The following G2E3 variants were observed in gnomAD, a reference collection of about 807,000 sequenced individuals.
G2E3 encodes G2/M-phase specific E3 ubiquitin protein ligase.
A neutral mutation model predicts 92.8 loss-of-function variants in G2E3; 35 were observed. That is an observed-to-expected ratio of 0.38 (90% confidence interval 0.29 to 0.50). The LOEUF (loss-of-function observed/expected upper bound fraction) is 0.50, where lower values mean the gene tolerates loss of function less well. Ranked by LOEUF, G2E3 falls within the 20% of genes least tolerant of loss-of-function variation. The pLI is 0.94. For synonymous variants in G2E3, 242 were observed against 272.4 expected (o/e 0.89, Z 1.10); for missense variants, 554 against 823.8 (o/e 0.67, Z 4.01).
intron 1 of G2E3, chr14:30,560,669 A>T (rs778848080): frequency 3.9e-5 from 24 of 620,538 alleles, no homozygotes; most frequent in Non-Finnish European, 6.3e-5. Context: ...TTCTACCTGA[A>T]TTATTTTCAT....
chr14:30,611,072 T>C (rs1882067049), intron 12 of G2E3, among the ~76,000 whole-genome samples: 1 of 152,246 alleles, frequency 6.6e-6, no homozygotes, highest in African/African-American at 2.4e-5. Context: ...GTGTAACACT[T>C]AGCATTATTG....
chr14:30,569,674 G>T (rs1441209384), intron 1 of G2E3, among the ~76,000 whole-genome samples: 1 of 152,140 alleles, frequency 6.6e-6, no homozygotes, highest in African/African-American at 2.4e-5. Context: ...GCCTGACTTG[G>T]TCAGTGGAAG....
intron 10 of G2E3, among the ~76,000 whole-genome samples, chr14:30,604,681 ATAT>A (rs1403240413): frequency 2.0e-5 from 3 of 152,198 alleles, no homozygotes; most frequent in East Asian, 1.9e-4. Context: ...TCTGTTTATA[ATAT>A]TAGCTCTACT....
At chr14:30,562,360 A>C (rs1012772147) in intron 1 of G2E3, among the ~76,000 whole-genome samples, 1 of 152,158 alleles carries the variant, frequency 6.6e-6, no homozygotes, top group East Asian at 1.9e-4. Flanking sequence ...CTCGCTCTAC[A>C]ATCATAACCT....
intron 12 of G2E3, among the ~76,000 whole-genome samples, 186 bp downstream of exon 12, chr14:30,608,255 G>A (rs550422679): frequency 6.6e-6 from 1 of 152,324 alleles, no homozygotes; most frequent in African/African-American, 2.4e-5. Context: ...GATGGCTGGA[G>A]ATTAAAGTGC....
rs1193890498 is a variant in G2E3, at chr14:30,605,659, G to A, written c.1165G>A (p.Ala389Thr). The A allele has an allele frequency of 3.1e-6, 5 of 1,610,238 alleles. No individual in the cohort carries two copies. In the African/African-American group the frequency reaches 4.0e-5, roughly 13 times the overall value. Residue 389 changes from alanine to threonine, a missense_variant, in exon 11 of 15, where the codon GCA becomes ACA. Coordinates refer to ENST00000206595, the MANE Select transcript of G2E3 (RefSeq NM_017769.5). ...AAATCGAAACTTTAATCCTTCATAT[G>A]CAATTGAAGTAGCATATGTTATTGA... is the stretch of plus-strand genomic sequence containing the variant. The part of the protein sequence containing the change: ...FRNRNFNPSY[A>T]IEVAYVIEND...
At chr14:30,612,076 T>G (rs1303258969) in intron 12 of G2E3, 131 bp from the exon 13 acceptor site, 3 of 611,860 alleles carry the variant, frequency 4.9e-6, no homozygotes, top group Non-Finnish European at 8.7e-6. Flanking sequence ...TAGAAGAATA[T>G]TTCTTGGTTT....
intron 10 of G2E3, 99 bp downstream of exon 10, chr14:30,602,230 A>G: frequency 1.1e-6 from 1 of 881,176 alleles, no homozygotes; most frequent in Non-Finnish European, 1.7e-6. Context: ...ATCATACAGT[A>G]GTCTAGAAGA....
chr14:30,603,099 G>T (rs947974715), intron 10 of G2E3, among the ~76,000 whole-genome samples: 2 of 152,122 alleles, frequency 1.3e-5, no homozygotes, highest in Non-Finnish European at 1.5e-5. Context: ...AAACCTAGGC[G>T]GGCGGATCCC....
rs1881401937 is a variant in G2E3, at chr14:30,598,548, A to T, written c.701A>T (p.Asp234Val). The T allele has an allele frequency of 6.2e-7, 1 of 1,613,750 alleles. No individual in the cohort carries two copies. The highest frequency in any genetic ancestry group is 1.3e-5 in the African/African-American group (1 of 74,916). The change falls in exon 8 of 15, where the codon GAT (aspartate) becomes GTT (valine). Residue 234 changes from aspartate (D) to valine (V), a missense_variant. Asp to Val is a radical substitution (Grantham distance 152). Coordinates refer to ENST00000206595, the MANE Select transcript of G2E3 (RefSeq NM_017769.5). ...QELLQHYERC[D>V]VRRCRCKEGR... ...CTTCTGCAGCACTATGAGCGTTGTG[A>T]TGTTCGAAGATGTCGTTGCAAAGAA...
chr14:30,560,853 A>C, intron 1 of G2E3: 1 of 699,332 alleles, frequency 1.4e-6, no homozygotes. Flanking sequence ...GTTAGAAAAT[A>C]CTGTGAGTTT....
At chr14:30,608,396 T>C (rs1418335141) in intron 12 of G2E3, among the ~76,000 whole-genome samples, 1 of 152,210 alleles carries the variant, frequency 6.6e-6, no homozygotes, top group Non-Finnish European at 1.5e-5. Flanking sequence ...GATTCCCTAT[T>C]GCAAGCTAGA....
At chr14:30,597,144 C>T (rs1390108085) in intron 6 of G2E3, among the ~76,000 whole-genome samples, 1 of 151,874 alleles carries the variant, frequency 6.6e-6, no homozygotes, top group Non-Finnish European at 1.5e-5. Context: ...TAACATTACA[C>T]AGTAAGTAAA....
chr14:30,612,003 C>T, intron 12 of G2E3: 1 of 470,816 alleles, frequency 2.1e-6, no homozygotes, highest in Non-Finnish European at 3.8e-6. Context: ...TGGCATTATA[C>T]TCTGGATTTC....
intron 12 of G2E3, among the ~76,000 whole-genome samples, chr14:30,608,394 A>G (rs776063581): frequency 1.3e-5 from 2 of 152,180 alleles, no homozygotes; most frequent in African/African-American, 2.4e-5. Flanking sequence ...CAGATTCCCT[A>G]TTGCAAGCTA....
At chr14:30,583,201 T>G (rs1880526636) in intron 2 of G2E3, among the ~76,000 whole-genome samples, 1 of 152,204 alleles carries the variant, frequency 6.6e-6, no homozygotes, top group Non-Finnish European at 1.5e-5. Context: ...GATTTTCAAC[T>G]TGTTTCATTA....
rs1383416827 is a variant in G2E3 at position 30,607,931 on chromosome 14, C to A, written c.1362C>A (p.Ala454=). 1 of 1,608,322 alleles carries A rather than the reference C, an allele frequency of 6.2e-7. No individual in the cohort carries two copies. The highest frequency in any genetic ancestry group is 8.5e-7 in the Non-Finnish European group (1 of 1,177,086). The change falls in exon 12 of 15, where the codon GCC becomes GCA. Residue 454 remains alanine, a synonymous_variant. Coordinates refer to ENST00000206595, the MANE Select transcript of G2E3 (RefSeq NM_017769.5). ...NLYYEAGKML[A]ISLVHGGPSP... The stretch of plus-strand genomic sequence containing the variant: ...ACTATGAAGCTGGCAAAATGCTTGC[C>A]ATTTCTTTAGTTCACGGTGGTCCTT...
At position 30,586,718 on chromosome 14, in the gene G2E3, CT is replaced by C; in HGVS notation, c.40del (p.Cys14ValfsTer33). ...TATCTATTTACTTTTTCACTGTTAG[CT>C]TGTGTTTTCTGTCGAAAACATGATG... Reference protein sequence around the residue: ...ESKPGDSQNLACVFCRKHDDC... With the variant: ...ESKPGDSQNLXCVFCRKHDDC... On this transcript the variant is annotated frameshift_variant and splice_region_variant, in exon 3 of 15. Transcript: ENST00000206595. LOFTEE classifies it high-confidence loss of function. 8.4e-7 allele frequency: 1 copy of C among 1,187,972 alleles called. No homozygotes were observed. The highest frequency in any genetic ancestry group is 1.6e-5 in the South Asian group (1 of 63,858). 73.6% of individuals were successfully genotyped at this position (1,187,972 alleles called of 1,614,324 possible). A position where few individuals can be genotyped will look rare whatever the true frequency, so the allele number is the denominator to read the frequency against.
intron 12 of G2E3, among the ~76,000 whole-genome samples, chr14:30,608,322 T>C (rs1176994638): frequency 6.6e-6 from 1 of 152,226 alleles, no homozygotes; most frequent in African/African-American, 2.4e-5. Flanking sequence ...GTGTTCACCA[T>C]GGCTTGTGAA....
Sources: gnomAD v4.1 joint callset for allele counts (sites outside exome capture counted in the v4.1 genomes callset) on GRCh38, gnomAD v4.1.1 for gene constraint, MANE v1.5 for transcripts, NCBI Gene and HGNC (gene_info 2026-07-23, HGNC 2026-07-21) for gene names.